PGCKA1: variants seen among roughly 807,000 people sequenced by gnomAD.
PGCKA1 encodes the protein PDCD10 and GCKIII kinases-associated protein 1.
chr4:37,566,913 T>C, the PGCKA1 span, among the ~76,000 whole-genome samples: 1 of 152,096 alleles, frequency 6.6e-6, no homozygotes, highest in Admixed American at 6.6e-5. Flanking sequence ...GTCCTTCTCT[T>C]GAGATGAGTA....
the PGCKA1 span, among the ~76,000 whole-genome samples, chr4:37,531,421 A>G: frequency 6.6e-6 from 1 of 152,176 alleles, no homozygotes; most frequent in Non-Finnish European, 1.5e-5. Context: ...GGTTAGTGGT[A>G]TGTGGCTGAG....
chr4:37,508,624 A>G, the PGCKA1 span, among the ~76,000 whole-genome samples: 8 of 137,442 alleles, frequency 5.8e-5, no homozygotes, highest in African/African-American at 2.2e-4. Context: ...TGTGAATATT[A>G]TTGTGTTTGC....
the PGCKA1 span, among the ~76,000 whole-genome samples, chr4:37,527,945 A>T: frequency 2.0e-5 from 3 of 152,320 alleles, no homozygotes; most frequent in African/African-American, 7.2e-5. Context: ...GGTGTGTGGT[A>T]GGCTACACCA....
the PGCKA1 span, among the ~76,000 whole-genome samples, chr4:37,480,162 C>T: frequency 6.6e-6 from 1 of 152,160 alleles, no homozygotes; most frequent in Non-Finnish European, 1.5e-5. Context: ...AAACACGAAA[C>T]ACAGCTGGCA....
At chr4:37,575,700 C>G in the PGCKA1 span, among the ~76,000 whole-genome samples, 1 of 151,970 alleles carries the variant, frequency 6.6e-6, no homozygotes, top group Admixed American at 6.6e-5. Context: ...GAGACTTTCC[C>G]TTGTCTTCTT....
At chr4:37,514,854 T>C in the PGCKA1 span, among the ~76,000 whole-genome samples, 2 of 152,232 alleles carry the variant, frequency 1.3e-5, no homozygotes. Context: ...GGCAGTTTAA[T>C]GTTGGCTATC....
chr4:37,538,374 T>C, the PGCKA1 span, among the ~76,000 whole-genome samples: 1 of 152,206 alleles, frequency 6.6e-6, no homozygotes, highest in Non-Finnish European at 1.5e-5. Context: ...ATAAGGACTT[T>C]ATAACTAGAA....
chr4:37,540,432 C>T, the PGCKA1 span, among the ~76,000 whole-genome samples: 2 of 152,200 alleles, frequency 1.3e-5, no homozygotes, highest in South Asian at 2.1e-4. Context: ...GTGAATCTTA[C>T]ATTCTATCCC....
the PGCKA1 span, among the ~76,000 whole-genome samples, chr4:37,570,162 T>TG: frequency 2.8e-5 from 4 of 140,700 alleles, no homozygotes; most frequent in African/African-American, 1.1e-4. Context: ...TTTTTTTTTT[T>TG]TTTTTTTTTG....
the PGCKA1 span, among the ~76,000 whole-genome samples, chr4:37,551,261 CTG>C: frequency 6.7e-6 from 1 of 149,910 alleles, no homozygotes; most frequent in African/African-American, 2.5e-5. Context: ...AGGCAAATTC[CTG>C]GGTTTCCCTG....
chr4:37,592,132 C>G, the PGCKA1 span, among the ~76,000 whole-genome samples: 1 of 150,368 alleles, frequency 6.7e-6, no homozygotes, highest in African/African-American at 2.5e-5. Context: ...TCACTTGAAC[C>G]TGGGAGGTGG....
chr4:37,544,793 C>G, the PGCKA1 span, among the ~76,000 whole-genome samples: 4 of 150,460 alleles, frequency 2.7e-5, no homozygotes, highest in South Asian at 8.4e-4. Context: ...TTTTTCTATT[C>G]TTTGTTTCCT....
the PGCKA1 span, among the ~76,000 whole-genome samples, chr4:37,509,300 G>A: frequency 5.3e-5 from 6 of 113,206 alleles, 1 homozygote; most frequent in Admixed American, 8.4e-5. Context: ...GCTGCTGGGC[G>A]GAGGGGCTCC....
the PGCKA1 span, among the ~76,000 whole-genome samples, chr4:37,556,655 C>T: frequency 1.3e-5 from 2 of 152,150 alleles, no homozygotes; most frequent in African/African-American, 4.8e-5. Flanking sequence ...CAGTTACACT[C>T]TCTTCCCTAC....
the PGCKA1 span, among the ~76,000 whole-genome samples, chr4:37,565,734 T>C: frequency 1.3e-5 from 2 of 152,154 alleles, no homozygotes; most frequent in South Asian, 2.1e-4. Flanking sequence ...GTAACTGTGA[T>C]GGTTAATATT....
chr4:37,539,584 G>A, the PGCKA1 span, among the ~76,000 whole-genome samples: 20,802 of 152,190 alleles, frequency 0.14, 1,908 homozygotes, highest in Non-Finnish European at 0.2. Context: ...AACCTGGGAG[G>A]CAGAGGTTGC....
chr4:37,460,804 T>TA, the PGCKA1 span: 1 of 339,588 alleles, frequency 2.9e-6, no homozygotes, highest in Non-Finnish European at 5.7e-6. Context: ...ACTCTGATGA[T>TA]AGTTTCTTTT....
At chr4:37,522,177 T>C in the PGCKA1 span, among the ~76,000 whole-genome samples, 6 of 152,146 alleles carry the variant, frequency 3.9e-5, no homozygotes, top group African/African-American at 1.4e-4. Flanking sequence ...GCAAGGTCTT[T>C]CAGGCCCTGG....
At chr4:37,547,999 T>G in the PGCKA1 span, among the ~76,000 whole-genome samples, 1 of 113,230 alleles carries the variant, frequency 8.8e-6, no homozygotes, top group Non-Finnish European at 1.9e-5. Context: ...AATGGTTATC[T>G]TCAAAAAAAA....
Sources: allele counts gnomAD v4.1 joint callset (sites outside exome capture counted in the v4.1 genomes callset), GRCh38; gene constraint gnomAD v4.1.1; transcripts MANE v1.5; gene names NCBI Gene and HGNC (gene_info 2026-07-23, HGNC 2026-07-21).